DAB1: variants seen among roughly 807,000 people sequenced by gnomAD.
The protein encoded by DAB1 is disabled homolog 1.
In DAB1, 15 loss-of-function variants were observed where a neutral mutation model predicts 64.6. That is an observed-to-expected ratio of 0.23 (90% CI 0.16 to 0.36). DAB1 has a LOEUF of 0.36. DAB1 is among the 10% of genes least tolerant of loss of function. The probability of loss-of-function intolerance (pLI) is 1.00; values close to 1 mark genes in which losing one functional copy is unlikely to be tolerated. For missense variants in DAB1, 596 were observed against 706.7 expected (o/e 0.84, Z 1.78); for synonymous variants, 235 against 251.9 (o/e 0.93, Z 0.64).
rs79094735 is a variant in DAB1, at chr1:58,050,873, T to C, written n.387+99638A>G. 6.0e-3 allele frequency among the ~76,000 whole-genome samples: 919 copies of C among 152,240 alleles called. 14 individuals are homozygous for C. The highest frequency in any genetic ancestry group is 0.021 in the African/African-American group (865 of 41,552). ...GAGTTGGACAGTGGCACATGGCTGA[T>C]AGATTTTGTCTTGCTGAGCTTTTCC... On this transcript the variant is annotated intron_variant and non_coding_transcript_variant, in intron 5 of 20. Transcript: ENST00000485760.
intron 1 of DAB1, among the ~76,000 whole-genome samples, chr1:57,310,540 T>G (rs1369742400): frequency 6.6e-6 from 1 of 152,118 alleles, no homozygotes; most frequent in Non-Finnish European, 1.5e-5. Context: ...TAGCAGGAAG[T>G]AAGCAATTGT....
rs1210387034 is a variant in DAB1, at chr1:57,452,135, G to T, written n.626-160969C>A. 3.6e-5 allele frequency among the ~76,000 whole-genome samples: 5 copies of T among 137,758 alleles called. No individual in the cohort carries two copies. In the South Asian group the frequency reaches 1.2e-3, roughly 34 times the overall value. 90.4% of individuals were successfully genotyped at this position (137,758 alleles called of 152,430 possible). On this transcript the variant is annotated intron_variant and non_coding_transcript_variant, in intron 7 of 20. Coordinates refer to the DAB1 transcript ENST00000485760. ...AAATCATCCTAAGCTATTATTTAGA[G>T]CTTAGGATTTAGTCTCTCTCTGCAC...
intron 5 of DAB1, among the ~76,000 whole-genome samples, chr1:58,007,107 A>G (rs542427236): frequency 6.6e-6 from 1 of 152,312 alleles, no homozygotes; most frequent in Admixed American, 6.5e-5. Context: ...GCTGCCCACA[A>G]TTCAAGCGCT....
chr1:58,448,425 G>A (rs79985024), intron 3 of DAB1, among the ~76,000 whole-genome samples: 3,189 of 152,276 alleles, frequency 0.021, 105 homozygotes, highest in African/African-American at 0.072. Flanking sequence ...AGATCAAAGA[G>A]TTGCACAACT....
At chr1:58,111,040 G>A (rs540277696) in intron 5 of DAB1, among the ~76,000 whole-genome samples, 2 of 152,288 alleles carry the variant, frequency 1.3e-5, no homozygotes, top group South Asian at 2.1e-4. Context: ...CTGGGAGGGT[G>A]GTGTGTGCAG....
chr1:58,523,523 G>A (rs1646299607), intron 2 of DAB1, among the ~76,000 whole-genome samples: 1 of 152,116 alleles, frequency 6.6e-6, no homozygotes, highest in African/African-American at 2.4e-5. Context: ...TGTTGTGTTT[G>A]GGGGCAAGTA....
At chr1:57,742,414 A>C (rs889380424) in intron 6 of DAB1, among the ~76,000 whole-genome samples, 2 of 152,152 alleles carry the variant, frequency 1.3e-5, no homozygotes, top group Admixed American at 1.3e-4. Context: ...AAAAACCAGC[A>C]AAGTCACCCT....
At chr1:57,902,599 T>G (rs1018382144) in intron 5 of DAB1, among the ~76,000 whole-genome samples, 2 of 152,164 alleles carry the variant, frequency 1.3e-5, no homozygotes, top group Admixed American at 6.5e-5. Flanking sequence ...AGCTGGTCCT[T>G]GCATTTTTTC....
upstream of DAB1, among the ~76,000 whole-genome samples, chr1:57,885,869 A>G (rs1399410826): frequency 6.6e-5 from 10 of 152,208 alleles, no homozygotes; most frequent in Admixed American, 5.9e-4. Context: ...AATCCCAGGA[A>G]AAAGTTATGA....
At chr1:58,174,590 T>C (rs937772620) in intron 4 of DAB1, among the ~76,000 whole-genome samples, 2 of 152,160 alleles carry the variant, frequency 1.3e-5, no homozygotes, top group African/African-American at 4.8e-5. Flanking sequence ...GTGTCCTGTT[T>C]AGAGGGGGGA....
At chr1:57,351,449 T>G (rs957572006) in intron 1 of DAB1, among the ~76,000 whole-genome samples, 1 of 151,546 alleles carries the variant, frequency 6.6e-6, no homozygotes, top group African/African-American at 2.4e-5. Flanking sequence ...AGGAGGGGAG[T>G]TGAACATTCA....
chr1:58,313,108 C>T (rs1016180175), intron 4 of DAB1, among the ~76,000 whole-genome samples: 1 of 152,068 alleles, frequency 6.6e-6, no homozygotes, highest in Non-Finnish European at 1.5e-5. Flanking sequence ...ATGGATTCTT[C>T]CAATACTGTC....
intron 3 of DAB1, among the ~76,000 whole-genome samples, chr1:58,443,302 C>T (rs1237935598): frequency 1.7e-4 from 26 of 152,178 alleles, no homozygotes; most frequent in Admixed American, 1.7e-3. Context: ...AGGAGGCTTC[C>T]AATAATAACA....
intron 5 of DAB1, among the ~76,000 whole-genome samples, chr1:58,014,987 C>T (rs1343938503): frequency 6.6e-6 from 1 of 152,184 alleles, no homozygotes; most frequent in Non-Finnish European, 1.5e-5. Flanking sequence ...CCCTCCCAAA[C>T]CTATGGTGAA....
intron 6 of DAB1, among the ~76,000 whole-genome samples, chr1:57,706,160 A>C (rs1361287850): frequency 1.3e-5 from 2 of 152,142 alleles, no homozygotes; most frequent in Non-Finnish European, 2.9e-5. Context: ...ATAGTACTTA[A>C]TACATATTTT....
At chr1:58,206,169 C>T (rs1242718267) in intron 4 of DAB1, among the ~76,000 whole-genome samples, 2 of 152,138 alleles carry the variant, frequency 1.3e-5, no homozygotes, top group Non-Finnish European at 2.9e-5. Context: ...TTTAAGGAGA[C>T]ATGAGACATC....
At chr1:57,583,567 G>C (rs1448049591) in intron 7 of DAB1, among the ~76,000 whole-genome samples, 3 of 152,130 alleles carry the variant, frequency 2.0e-5, no homozygotes, top group Non-Finnish European at 4.4e-5. Context: ...TTACAGGCCT[G>C]AGCCACCACG....
intron 5 of DAB1, among the ~76,000 whole-genome samples, chr1:57,898,125 T>C (rs1557543785): frequency 6.6e-6 from 1 of 152,078 alleles, no homozygotes. Flanking sequence ...TAGGGTGACA[T>C]AGGGAGGCTG....
chr1:58,054,818 G>T (rs1447042054), intron 5 of DAB1, among the ~76,000 whole-genome samples: 1 of 152,186 alleles, frequency 6.6e-6, no homozygotes, highest in Admixed American at 6.5e-5. Context: ...AGAAATTGCT[G>T]TTTTAAAAAC....
Sources: gnomAD v4.1 joint callset for allele counts (sites outside exome capture counted in the v4.1 genomes callset) on GRCh38, gnomAD v4.1.1 for gene constraint, MANE v1.5 for transcripts, NCBI Gene and HGNC (gene_info 2026-07-23, HGNC 2026-07-21) for gene names.